Variants in NAV2 observed in about 807,000 individuals in gnomAD.
NAV2 encodes neuron navigator 2, also known as helicase, APC down-regulated 1.
A neutral mutation model predicts 223.2 loss-of-function variants in NAV2; 54 were observed. The observed-to-expected ratio is 0.24, with a 90% CI of 0.19 to 0.30. NAV2 has a LOEUF of 0.30. NAV2 is among the 10% of genes least tolerant of loss of function. The pLI is 1.00. For missense variants in NAV2, 2,806 were observed against 3,147.5 expected, an observed-to-expected ratio of 0.89 and a Z score of 2.60; for synonymous variants, 1,279 against 1,239.3, an observed-to-expected ratio of 1.03 and a Z score of -0.67.
intron 1 of NAV2, among the ~76,000 whole-genome samples, chr11:19,695,250 G>T (rs1473969637): frequency 1.3e-5 from 2 of 152,212 alleles, no homozygotes; most frequent in South Asian, 4.1e-4. Flanking sequence ...TAGTGGGAAA[G>T]ATACAGACTT....
chr11:19,671,335 C>T (rs1312064759), intron 1 of NAV2, among the ~76,000 whole-genome samples: 1 of 152,204 alleles, frequency 6.6e-6, no homozygotes, highest in Non-Finnish European at 1.5e-5. Flanking sequence ...CTTCTTTACA[C>T]AGAGCTTCTT....
chr11:19,518,397 C>A (rs1160870310), intron 1 of NAV2: 1 of 152,174 alleles, frequency 6.6e-6, no homozygotes. Context: ...GATCAGGTAC[C>A]TCTATCCCAT....
At chr11:20,044,914 G>T in intron 13 of NAV2, 54 bp from the exon 14 acceptor site, 1 of 1,470,742 alleles carries the variant, frequency 6.8e-7, no homozygotes, top group African/African-American at 1.4e-5. Flanking sequence ...AAACAGACGA[G>T]ATGGATGAGC....
intron 1 of NAV2, among the ~76,000 whole-genome samples, chr11:19,426,763 G>T (rs1327629793): frequency 2.6e-5 from 4 of 151,898 alleles, no homozygotes; most frequent in African/African-American, 9.7e-5. Context: ...CTGCTGTTTT[G>T]GCAGGAAAAT....
At chr11:19,840,469 C>T (rs2060449539) in intron 2 of NAV2, among the ~76,000 whole-genome samples, 1 of 152,212 alleles carries the variant, frequency 6.6e-6, no homozygotes, top group African/African-American at 2.4e-5. Context: ...GTAATGAGCA[C>T]TAATGACCTA....
At position 19,877,088 on chromosome 11, in the gene NAV2, C is replaced by A. The variant is rs371998127; in HGVS notation, c.512-2781C>A. 2.6e-5 allele frequency among the ~76,000 whole-genome samples: 4 copies of A among 152,088 alleles called. No homozygotes were observed. The South Asian group carries it at 8.3e-4, about 32-fold the overall frequency. On this transcript the variant is annotated intron_variant, in intron 4 of 37. Transcript: ENST00000349880. ...TTACACAGTGTTAGGAAACTGGACC[C>A]TGAGTCGGAAAACCTAGATTCAAAT...
At position 19,948,683 on chromosome 11, in the gene NAV2, G is replaced by C. The variant is rs1424481599; in HGVS notation, c.2256-8G>C. The C allele has an allele frequency of 1.3e-6, 2 of 1,562,786 alleles. No individual in the cohort carries two copies. Among genetic ancestry groups the C allele is most frequent in the African/African-American group, 1.4e-5 (1 of 73,832 alleles). Reference sequence around the variant, plus strand: ...CTTTGAGTCTAATCAGGTTGGTTTTGTTTCTAGCACATTGGAAACCACGTT... The same window carrying C: ...CTTTGAGTCTAATCAGGTTGGTTTTCTTTCTAGCACATTGGAAACCACGTT... On this transcript the variant is annotated splice_region_variant and splice_polypyrimidine_tract_variant and intron_variant, in intron 9 of 37. Coordinates refer to ENST00000349880, the MANE Select transcript of NAV2 (RefSeq NM_145117.5).
At chr11:19,489,978 C>T (rs970015945) in intron 1 of NAV2, among the ~76,000 whole-genome samples, 4 of 152,030 alleles carry the variant, frequency 2.6e-5, no homozygotes, top group African/African-American at 7.3e-5. Context: ...CAGACCAGCG[C>T]AATAAAGTGA....
At chr11:19,463,818 G>A (rs1211916901) in intron 1 of NAV2, among the ~76,000 whole-genome samples, 1 of 152,140 alleles carries the variant, frequency 6.6e-6, no homozygotes. Context: ...CAGAGTGTGG[G>A]GGCAGGGGCT....
chr11:19,424,209 T>A (rs1333683760), intron 1 of NAV2, among the ~76,000 whole-genome samples: 2 of 152,256 alleles, frequency 1.3e-5, no homozygotes, highest in Admixed American at 1.3e-4. Context: ...ATCAATGAGA[T>A]ACTTTCTGCA....
intron 12 of NAV2, among the ~76,000 whole-genome samples, chr11:20,039,277 A>G (rs1212533355): frequency 6.6e-6 from 1 of 152,158 alleles, no homozygotes; most frequent in Non-Finnish European, 1.5e-5. Context: ...CATCCATAAC[A>G]TGGCACTAAT....
chr11:19,556,391 T>A (rs1487525729), intron 1 of NAV2, among the ~76,000 whole-genome samples: 1 of 152,194 alleles, frequency 6.6e-6, no homozygotes, highest in Non-Finnish European at 1.5e-5. Context: ...GCAACCTGAC[T>A]GCAACAATAT....
At chr11:19,980,712 T>C (rs2050217752) in intron 10 of NAV2, among the ~76,000 whole-genome samples, 1 of 152,256 alleles carries the variant, frequency 6.6e-6, no homozygotes, top group Non-Finnish European at 1.5e-5. Flanking sequence ...AATAGCCAAT[T>C]CCTATACAAA....
chr11:19,659,686 A>T (rs2048223179), intron 1 of NAV2, among the ~76,000 whole-genome samples: 1 of 152,118 alleles, frequency 6.6e-6, no homozygotes, highest in Non-Finnish European at 1.5e-5. Flanking sequence ...ACTCAAGATG[A>T]TTCATTAGTC....
At chr11:19,775,900 G>T (rs1454953721) in intron 1 of NAV2, among the ~76,000 whole-genome samples, 2 of 152,232 alleles carry the variant, frequency 1.3e-5, no homozygotes, top group Non-Finnish European at 2.9e-5. Context: ...AGACCAGGTT[G>T]CAGGTCATAG....
Position 19,553,086 on chromosome 11 carries a change from G to A in NAV2, c.75+202059G>A, listed in dbSNP as rs762389294. On this transcript the variant is annotated intron_variant, in intron 1 of 37. Transcript: ENST00000360655. ...GCTCTCCATGGATACATTTGTGCAG[G>A]AAAATGTCCCTTGGTGAGGAGAGGC... Among the ~76,000 whole-genome samples, 3 of 152,202 alleles carry A rather than the reference G, an allele frequency of 2.0e-5. No homozygotes were observed. In the South Asian group the frequency reaches 6.2e-4, roughly 31 times the overall value.
At chr11:19,626,595 T>C (rs1042610275) in intron 1 of NAV2, among the ~76,000 whole-genome samples, 7 of 152,210 alleles carry the variant, frequency 4.6e-5, no homozygotes, top group Non-Finnish European at 1.5e-5. Context: ...AGGGATTGCA[T>C]TGAATCTGTA....
In NAV2 at chr11:20,103,307, A is replaced by G. The variant is rs1476775388; in HGVS notation, c.6470A>G (p.Asn2157Ser). Reference protein sequence around the residue: ...NLADQCNSENNAVDMPLVIIL... With the variant: ...NLADQCNSENSAVDMPLVIIL... Reference sequence around the variant, plus strand: ...GCTGACCAGTGCAACAGTGAGAACAATGCTGTGGACATGCCCCTCGTCATC... The same window carrying G: ...GCTGACCAGTGCAACAGTGAGAACAGTGCTGTGGACATGCCCCTCGTCATC... The change falls in exon 33 of 38, where the codon AAT (asparagine) becomes AGT (serine). Residue 2157 changes from asparagine to serine, a missense_variant. This residue lies in a region of NAV2 where 824 missense variants were observed against 1,069.4 expected (regional missense o/e 0.77). Coordinates refer to ENST00000349880, the MANE Select transcript of NAV2 (RefSeq NM_145117.5). 1 of 1,614,244 alleles carries G rather than the reference A, an allele frequency of 6.2e-7. No homozygotes were observed. Among genetic ancestry groups the G allele is most frequent in the Non-Finnish European group, 8.5e-7 (1 of 1,180,032 alleles).
intron 7 of NAV2, among the ~76,000 whole-genome samples, chr11:19,939,183 C>A (rs1168352815): frequency 6.6e-6 from 1 of 152,126 alleles, no homozygotes; most frequent in Non-Finnish European, 1.5e-5. Flanking sequence ...TGCTTGGCAC[C>A]CACTTCCGAC....
Sources: gnomAD v4.1 joint callset for allele counts (sites outside exome capture counted in the v4.1 genomes callset) on GRCh38, gnomAD v4.1.1 for gene constraint, gnomAD v4.1.1 regional missense constraint, MANE v1.5 for transcripts, NCBI Gene and HGNC (gene_info 2026-07-23, HGNC 2026-07-21) for gene names.